The following DKK2 variants were observed in gnomAD, a reference collection of about 807,000 sequenced individuals.
The protein encoded by DKK2 is dickkopf-related protein 2.
Under a neutral mutation model 28.1 loss-of-function variants are expected in DKK2, and 11 were observed. That is an observed-to-expected ratio of 0.39 (90% CI 0.25 to 0.65). DKK2 has a LOEUF of 0.65. Among genes scored for constraint, DKK2 ranks in the 30% least tolerant of loss-of-function variants. The pLI, the probability that DKK2 is intolerant of heterozygous loss-of-function variation, is 0.47. For synonymous variants in DKK2, 135 were observed against 126.5 expected (o/e 1.07, Z -0.45); for missense variants, 326 against 335.5 (o/e 0.97, Z 0.22).
chr4:106,953,680 C>T (rs1033299947), intron 1 of DKK2, among the ~76,000 whole-genome samples: 2 of 152,150 alleles, frequency 1.3e-5, no homozygotes, highest in African/African-American at 4.8e-5. Flanking sequence ...TTGAGACAAT[C>T]TGTGGGATTC....
chr4:106,944,695 A>G (rs528709963), intron 1 of DKK2, among the ~76,000 whole-genome samples: 16 of 152,222 alleles, frequency 1.1e-4, no homozygotes, highest in African/African-American at 3.1e-4. Context: ...TTTTGAGTCC[A>G]GACAGGGATG....
chr4:107,025,658 C>G (rs572035860), intron 1 of DKK2, among the ~76,000 whole-genome samples: 5 of 152,294 alleles, frequency 3.3e-5, no homozygotes, highest in Admixed American at 6.5e-5. Flanking sequence ...GACTTTCCAG[C>G]CAGGCTTCTT....
At chr4:107,030,301 G>A (rs1286871042) in intron 1 of DKK2, among the ~76,000 whole-genome samples, 2 of 151,806 alleles carry the variant, frequency 1.3e-5, no homozygotes, top group South Asian at 2.1e-4. Context: ...GTGGACAGAG[G>A]AGGAACAGAA....
intron 1 of DKK2, among the ~76,000 whole-genome samples, chr4:107,006,201 T>C (rs997246315): frequency 5.3e-5 from 8 of 152,030 alleles, no homozygotes; most frequent in East Asian, 3.9e-4. Context: ...AAGGTAATGG[T>C]TTGGGGGTTC....
chr4:106,995,441 A>T (rs1483882393), intron 1 of DKK2, among the ~76,000 whole-genome samples: 2 of 152,330 alleles, frequency 1.3e-5, no homozygotes, highest in Non-Finnish European at 2.9e-5. Flanking sequence ...TCATGAAATA[A>T]GATACACAGA....
At chr4:106,996,203 G>T (rs1723270643) in intron 1 of DKK2, among the ~76,000 whole-genome samples, 1 of 152,186 alleles carries the variant, frequency 6.6e-6, no homozygotes, top group South Asian at 2.1e-4. Context: ...ACATTGTTCA[G>T]ATACAAAGCT....
intron 1 of DKK2, among the ~76,000 whole-genome samples, chr4:106,980,562 G>A (rs948850141): frequency 6.6e-6 from 1 of 152,078 alleles, no homozygotes; most frequent in Non-Finnish European, 1.5e-5. Flanking sequence ...ATAGTTCTGT[G>A]AGAATTTTCT....
chr4:107,002,660 T>C (rs940221411), intron 1 of DKK2, among the ~76,000 whole-genome samples: 5 of 152,198 alleles, frequency 3.3e-5, no homozygotes, highest in African/African-American at 2.4e-5. Flanking sequence ...TGGTATGGCC[T>C]AAGAATGAGA....
intron 1 of DKK2, among the ~76,000 whole-genome samples, chr4:106,955,056 C>T (rs1405390205): frequency 1.3e-5 from 2 of 152,102 alleles, no homozygotes; most frequent in African/African-American, 2.4e-5. Context: ...GGCAACTTCA[C>T]GTCTTCTCAA....
chr4:106,974,825 T>C (rs1376953927), intron 1 of DKK2, among the ~76,000 whole-genome samples: 1 of 152,190 alleles, frequency 6.6e-6, no homozygotes, highest in Non-Finnish European at 1.5e-5. Flanking sequence ...GTGCCGGTTT[T>C]CAAAGGGAAT....
chr4:106,944,517 CAGAAATTTACATAATTTAA>C (rs1008867609), intron 1 of DKK2, among the ~76,000 whole-genome samples: 7 of 152,046 alleles, frequency 4.6e-5, no homozygotes, highest in Non-Finnish European at 7.4e-5. Context: ...TAAAACCCTA[CAGAAATTTACATAATTTAA>C]AGAAATTTAC....
Position 107,007,483 on chromosome 4 carries a change from A to G in DKK2, c.222+27887T>C, listed in dbSNP as rs562935312. On this transcript the variant is annotated intron_variant, in intron 1 of 3. Coordinates refer to ENST00000285311, the MANE Select transcript of DKK2 (RefSeq NM_014421.3). ...ATGTCATGCATATTTTAAAATAAAT[A>G]TATTTTGAATAAAAACACTACAAAA... Among the ~76,000 whole-genome samples, 88 of 152,334 alleles carry G rather than the reference A, an allele frequency of 5.8e-4. No homozygotes were observed. The South Asian group carries it at 0.018, about 31-fold the overall frequency.
At chr4:106,995,445 A>G (rs933747502) in intron 1 of DKK2, among the ~76,000 whole-genome samples, 1 of 152,214 alleles carries the variant, frequency 6.6e-6, no homozygotes, top group African/African-American at 2.4e-5. Context: ...GAAATAAGAT[A>G]CACAGAACAA....
At chr4:106,989,026 T>G (rs1423167758) in intron 1 of DKK2, among the ~76,000 whole-genome samples, 1 of 152,170 alleles carries the variant, frequency 6.6e-6, no homozygotes, top group Admixed American at 6.5e-5. Flanking sequence ...CCACCAAACC[T>G]CTGACTCGCC....
chr4:106,990,624 C>A (rs1723189480), intron 1 of DKK2, among the ~76,000 whole-genome samples: 1 of 152,080 alleles, frequency 6.6e-6, no homozygotes, highest in Non-Finnish European at 1.5e-5. Flanking sequence ...TATAAGCTGA[C>A]AATATGATGT....
chr4:106,977,243 C>A (rs1416330593), intron 1 of DKK2, among the ~76,000 whole-genome samples: 1 of 152,108 alleles, frequency 6.6e-6, no homozygotes, highest in East Asian at 1.9e-4. Flanking sequence ...CGAGTAGTAT[C>A]TTTGTGGTGT....
rs1298709469 is a variant in DKK2 at position 106,962,548 on chromosome 4, TGTGTGA to T, written c.223-36605_223-36600del. ...GTGTGTGTGTGTGTGTGTGTGTGTGTGTGTGAATGCAGAAGAATGAAACTAGATGCC... is the reference window on the plus strand; with the variant it reads ...GTGTGTGTGTGTGTGTGTGTGTGTGTATGCAGAAGAATGAAACTAGATGCC... On this transcript the variant is annotated intron_variant, in intron 1 of 3. Transcript: ENST00000285311. Among the ~76,000 whole-genome samples the T allele has an allele frequency of 1.0e-3, 124 of 122,556 alleles. 1 individual carries two copies. Among genetic ancestry groups the T allele is most frequent in the Non-Finnish European group, 1.8e-3 (105 of 58,228 alleles). 80.4% of individuals were successfully genotyped at this position (122,556 alleles called of 152,430 possible). A position where few individuals can be genotyped will look rare whatever the true frequency, so the allele number is the denominator to read the frequency against.
chr4:106,975,032 G>A (rs756722639), intron 1 of DKK2, among the ~76,000 whole-genome samples: 42 of 152,228 alleles, frequency 2.8e-4, no homozygotes, highest in African/African-American at 7.2e-4. Flanking sequence ...CTGTTTATGC[G>A]ATGGGTTACA....
intron 1 of DKK2, among the ~76,000 whole-genome samples, chr4:107,004,376 T>C (rs182278604): frequency 5.9e-4 from 90 of 152,336 alleles, no homozygotes; most frequent in African/African-American, 2.1e-3. Flanking sequence ...GACAGACCTA[T>C]GTTAGGATTC....
Sources: allele counts gnomAD v4.1 joint callset (sites outside exome capture counted in the v4.1 genomes callset), GRCh38; gene constraint gnomAD v4.1.1; transcripts MANE v1.5; gene names NCBI Gene and HGNC (gene_info 2026-07-23, HGNC 2026-07-21).